The following DLGAP1 variants were observed in gnomAD, a reference collection of about 807,000 sequenced individuals.
DLGAP1 encodes the protein disks large-associated protein 1.
In DLGAP1, 11 loss-of-function variants were observed where a neutral mutation model predicts 90.8. The ratio of observed to expected loss-of-function variants is 0.12; its 90% CI spans 0.08 to 0.20. The LOEUF is 0.20. DLGAP1 is among the 10% of genes least tolerant of loss of function. The pLI is 1.00. For synonymous variants in DLGAP1, 558 were observed against 540.7 expected (o/e 1.03, Z -0.44); for missense variants, 1,050 against 1,333.8 (o/e 0.79, Z 3.31).
chr18:3,557,293 T>G (rs498050), intron 9 of DLGAP1, among the ~76,000 whole-genome samples: 149,628 of 152,282 alleles, frequency 0.98, 73,569 homozygotes, highest in Middle Eastern at 1. Flanking sequence ...AGGCTGAGGT[T>G]GGTGGATCAC....
At chr18:4,307,835 C>A (rs2080300306) in intron 1 of DLGAP1, among the ~76,000 whole-genome samples, 1 of 151,462 alleles carries the variant, frequency 6.6e-6, no homozygotes, top group African/African-American at 2.4e-5. Context: ...CCTGCCTCAG[C>A]CTCTCGAGTT....
chr18:4,105,663 G>A (rs773219919), intron 2 of DLGAP1, among the ~76,000 whole-genome samples: 1 of 152,202 alleles, frequency 6.6e-6, no homozygotes, highest in African/African-American at 2.4e-5. Context: ...TAATTTAAAT[G>A]CGATCTATTT....
Position 3,911,476 on chromosome 18 carries a change from T to G in DLGAP1, c.-72-31336A>C, listed in dbSNP as rs60175542. Among the ~76,000 whole-genome samples, 499 of 152,322 alleles carry G rather than the reference T, an allele frequency of 3.3e-3. 3 individuals carry two copies. Among genetic ancestry groups the G allele is most frequent in the African/African-American group, 0.011 (459 of 41,566 alleles). ...TATATGATTATCAGGAGAAATGTAT[T>G]CCCTAGACTCTGTCAGTAGATGGAT... On this transcript the variant is annotated intron_variant, in intron 3 of 12. Transcript: ENST00000315677.
At chr18:3,916,884 A>G (rs113748157) in intron 3 of DLGAP1, among the ~76,000 whole-genome samples, 3,889 of 152,308 alleles carry the variant, frequency 0.026, 69 homozygotes, top group African/African-American at 0.034. Flanking sequence ...CACATACACT[A>G]TACAGACAGT....
intron 7 of DLGAP1, among the ~76,000 whole-genome samples, chr18:3,712,175 T>G (rs2147237059): frequency 6.6e-6 from 1 of 152,236 alleles, no homozygotes; most frequent in Admixed American, 6.5e-5. Context: ...CCTTCTCAAT[T>G]CTCCTTGAGA....
intron 9 of DLGAP1, among the ~76,000 whole-genome samples, chr18:3,562,694 G>A (rs1471355618): frequency 6.8e-6 from 1 of 147,452 alleles, no homozygotes; most frequent in Admixed American, 6.9e-5. Context: ...ACAGACACGC[G>A]CCACCACGCC....
intron 8 of DLGAP1, among the ~76,000 whole-genome samples, chr18:3,577,539 G>A (rs1225611361): frequency 6.6e-6 from 1 of 152,114 alleles, no homozygotes; most frequent in African/African-American, 2.4e-5. Flanking sequence ...AATGAAATTT[G>A]TTCAGAAGAC....
chr18:3,640,377 T>C (rs752120757), intron 7 of DLGAP1, among the ~76,000 whole-genome samples: 10 of 152,166 alleles, frequency 6.6e-5, no homozygotes, highest in Non-Finnish European at 1.2e-4. Context: ...GCAATAATAG[T>C]ATACCATCTT....
intron 9 of DLGAP1, among the ~76,000 whole-genome samples, chr18:3,553,793 A>G (rs2053606225): frequency 6.6e-6 from 1 of 152,136 alleles, no homozygotes; most frequent in South Asian, 2.1e-4. Context: ...TCGGTCCCCC[A>G]ATGTGCTGGG....
chr18:3,937,815 G>A (rs1056466877), intron 3 of DLGAP1, among the ~76,000 whole-genome samples: 2 of 152,066 alleles, frequency 1.3e-5, no homozygotes, highest in African/African-American at 2.4e-5. Context: ...ATATAATAGC[G>A]ATTAAGCGTG....
chr18:3,753,385 G>C (rs983378143), intron 5 of DLGAP1, among the ~76,000 whole-genome samples: 1 of 152,034 alleles, frequency 6.6e-6, no homozygotes, highest in African/African-American at 2.4e-5. Context: ...TATTTTTACT[G>C]GTCTCACATC....
chr18:3,992,997 T>C (rs573419716), intron 3 of DLGAP1: 9 of 152,190 alleles, frequency 5.9e-5, no homozygotes, highest in African/African-American at 2.2e-4. Context: ...CAGCTTGGGA[T>C]TGGGTTGTGC....
chr18:4,299,351 T>C (rs1321030446), intron 1 of DLGAP1, among the ~76,000 whole-genome samples: 2 of 152,196 alleles, frequency 1.3e-5, no homozygotes, highest in Non-Finnish European at 2.9e-5. Flanking sequence ...AGAATTAAGA[T>C]TTCTTTGAAG....
intron 1 of DLGAP1, among the ~76,000 whole-genome samples, chr18:4,440,786 A>C (rs2144824795): frequency 6.6e-6 from 1 of 152,338 alleles, no homozygotes; most frequent in African/African-American, 2.4e-5. Context: ...AAATATCCTC[A>C]ACCAATATTT....
intron 9 of DLGAP1, among the ~76,000 whole-genome samples, chr18:3,534,961 G>A (rs1174642608): frequency 6.6e-6 from 1 of 152,002 alleles, no homozygotes; most frequent in Middle Eastern, 3.4e-3. Flanking sequence ...CAAAGTGCTG[G>A]GATTACAGGT....
intron 5 of DLGAP1, among the ~76,000 whole-genome samples, chr18:3,758,094 G>A (rs971482656): frequency 8.3e-5 from 12 of 144,890 alleles, no homozygotes; most frequent in Admixed American, 1.4e-4. Context: ...GTGACAGAGC[G>A]AGACTCTATC....
intron 4 of DLGAP1, among the ~76,000 whole-genome samples, chr18:3,818,346 G>GTTTTTTTTTTTTT (rs398031872): frequency 1.5e-5 from 1 of 66,456 alleles, no homozygotes; most frequent in Admixed American, 2.0e-4. Context: ...TGTAGGGATG[G>GTTTTTTTTTTTTT]TTTTTTTTTT....
chr18:3,814,039 G>T lies in DLGAP1; in HGVS notation c.1172+20C>A, dbSNP rs1270202514. On this transcript the variant is annotated intron_variant, in intron 5 of 12. Transcript: ENST00000315677. ...TACAAGCACCTGGACTATCGCAAGT[G>T]CAGGGTTAGGACTACTCACTTGAGT... 3 of 1,610,720 alleles carry T rather than the reference G, an allele frequency of 1.9e-6. No individual in the cohort carries two copies. Among genetic ancestry groups the T allele is most frequent in the Non-Finnish European group, 2.5e-6 (3 of 1,177,284 alleles).
chr18:4,361,467 G>T (rs1407864027), intron 1 of DLGAP1, among the ~76,000 whole-genome samples: 1 of 152,162 alleles, frequency 6.6e-6, no homozygotes, highest in African/African-American at 2.4e-5. Context: ...ATGGTCAAAT[G>T]ATTTTTGACA....
Sources: allele counts gnomAD v4.1 joint callset (sites outside exome capture counted in the v4.1 genomes callset), GRCh38; gene constraint gnomAD v4.1.1; transcripts MANE v1.5; gene names NCBI Gene and HGNC (gene_info 2026-07-23, HGNC 2026-07-21).